The following CDYL variants were observed in gnomAD, a reference collection of about 807,000 sequenced individuals.
CDYL encodes the protein chromodomain Y like.
A neutral mutation model predicts 47.3 loss-of-function variants in CDYL; 8 were observed. The observed-to-expected ratio is 0.17, with a 90% CI of 0.10 to 0.31. The LOEUF (loss-of-function observed/expected upper bound fraction) is 0.31. CDYL is among the 10% of genes least tolerant of loss of function. CDYL has a pLI of 1.00. For missense variants in CDYL, 471 were observed against 701.4 expected, an observed-to-expected ratio of 0.67 and a Z score of 3.71; for synonymous variants, 266 against 265.0, an observed-to-expected ratio of 1.00 and a Z score of -0.04.
intron 3 of CDYL, among the ~76,000 whole-genome samples, chr6:4,747,641 C>G: frequency 6.6e-6 from 1 of 152,190 alleles, no homozygotes; most frequent in East Asian, 1.9e-4. Flanking sequence ...ATTTATTCAT[C>G]TTTGTAATGG....
chr6:4,923,690 A>G (rs1757781706), intron 2 of CDYL, among the ~76,000 whole-genome samples: 1 of 152,152 alleles, frequency 6.6e-6, no homozygotes, highest in Non-Finnish European at 1.5e-5. Flanking sequence ...ACAGTGGATA[A>G]GAAAGAGTTC....
chr6:4,721,606 C>A (rs1757370663), intron 2 of CDYL, among the ~76,000 whole-genome samples: 1 of 152,062 alleles, frequency 6.6e-6, no homozygotes, highest in Non-Finnish European at 1.5e-5. Flanking sequence ...GCTATCCACT[C>A]CTGGCCTCAA....
intron 1 of CDYL, among the ~76,000 whole-genome samples, chr6:4,799,134 A>G (rs1457263084): frequency 1.3e-5 from 2 of 152,212 alleles, no homozygotes; most frequent in Non-Finnish European, 2.9e-5. Flanking sequence ...ATCCAGTTCA[A>G]AATATTTTCT....
chr6:4,853,078 G>A (rs995436055), intron 1 of CDYL, among the ~76,000 whole-genome samples: 9 of 152,036 alleles, frequency 5.9e-5, no homozygotes, highest in Admixed American at 2.0e-4. Context: ...CATGAGTCAC[G>A]GTGCCTAGCT....
chr6:4,837,487 CAG>C (rs1203890033), intron 1 of CDYL, among the ~76,000 whole-genome samples: 11 of 140,240 alleles, frequency 7.8e-5, no homozygotes, highest in African/African-American at 3.0e-4. Flanking sequence ...TTTTTGGAGA[CAG>C]AGTCTTGCTC....
intron 5 of CDYL, among the ~76,000 whole-genome samples, chr6:4,947,661 G>C (rs571631450): frequency 1.3e-5 from 2 of 151,982 alleles, no homozygotes; most frequent in East Asian, 3.9e-4. Flanking sequence ...CTTCACCCTC[G>C]GTCTGTCCAC....
At chr6:4,913,823 C>T (rs921411603) in intron 2 of CDYL, among the ~76,000 whole-genome samples, 5 of 152,236 alleles carry the variant, frequency 3.3e-5, no homozygotes, top group African/African-American at 1.2e-4. Context: ...AACAAATGAA[C>T]GTGGCTTACA....
chr6:4,884,678 C>T (rs1434347263), intron 1 of CDYL, among the ~76,000 whole-genome samples: 2 of 152,146 alleles, frequency 1.3e-5, no homozygotes, highest in Non-Finnish European at 2.9e-5. Context: ...TTGTTTACTG[C>T]GCTGTAGGAT....
chr6:4,888,958 A>G (rs141402091), intron 1 of CDYL, among the ~76,000 whole-genome samples: 139 of 152,318 alleles, frequency 9.1e-4, no homozygotes, highest in African/African-American at 3.2e-3. Flanking sequence ...CATGATTGCA[A>G]TCCTTTTAAA....
At chr6:4,794,357 G>A (rs187686166) in intron 1 of CDYL, among the ~76,000 whole-genome samples, 11 of 152,112 alleles carry the variant, frequency 7.2e-5, no homozygotes, top group Non-Finnish European at 1.3e-4. Flanking sequence ...ATTTGGCAGC[G>A]CGGAGGCCAC....
At chr6:4,826,340 A>G (rs571299681) in intron 1 of CDYL, among the ~76,000 whole-genome samples, 1 of 151,860 alleles carries the variant, frequency 6.6e-6, no homozygotes, top group African/African-American at 2.4e-5. Flanking sequence ...CTTTTCTTCT[A>G]TTCTCTATGT....
At chr6:4,906,419 T>C (rs200387303) in intron 2 of CDYL, among the ~76,000 whole-genome samples, 5 of 152,322 alleles carry the variant, frequency 3.3e-5, no homozygotes, top group East Asian at 3.9e-4. Context: ...AATTGCTGGA[T>C]TGCCAGCTTC....
chr6:4,741,523 A>C (rs1757796925), intron 3 of CDYL, among the ~76,000 whole-genome samples: 1 of 152,168 alleles, frequency 6.6e-6, no homozygotes, highest in Non-Finnish European at 1.5e-5. Flanking sequence ...TCATAGTTCC[A>C]GATGCTTGCT....
At chr6:4,847,186 T>G (rs1308170085) in intron 1 of CDYL, among the ~76,000 whole-genome samples, 1 of 152,214 alleles carries the variant, frequency 6.6e-6, no homozygotes, top group Non-Finnish European at 1.5e-5. Context: ...AAATTTCTGG[T>G]TCCCTCCTAG....
intron 1 of CDYL, among the ~76,000 whole-genome samples, chr6:4,851,841 T>C (rs1447580569): frequency 1.3e-5 from 2 of 152,172 alleles, no homozygotes; most frequent in African/African-American, 4.8e-5. Flanking sequence ...GGTCCAGGAC[T>C]GAGGAGTGCT....
chr6:4,777,935 C>T (rs1382215913), intron 1 of CDYL, among the ~76,000 whole-genome samples: 2 of 152,204 alleles, frequency 1.3e-5, no homozygotes, highest in African/African-American at 4.8e-5. Context: ...GTTGTTGCTT[C>T]TCCTTACATT....
intron 2 of CDYL, among the ~76,000 whole-genome samples, chr6:4,726,531 C>CA (rs58148317): frequency 0.049 from 4,921 of 100,260 alleles, 156 homozygotes; most frequent in African/African-American, 0.097. Context: ...GACTCTGTCT[C>CA]AAAAAAAAAA....
At chr6:4,792,835 C>G (rs754464628) in intron 1 of CDYL, among the ~76,000 whole-genome samples, 11 of 152,174 alleles carry the variant, frequency 7.2e-5, no homozygotes, top group Admixed American at 1.3e-4. Context: ...TATGAACTTT[C>G]ACTTACCTAT....
At chr6:4,852,825 G>C (rs1760892239) in intron 1 of CDYL, among the ~76,000 whole-genome samples, 1 of 142,648 alleles carries the variant, frequency 7.0e-6, no homozygotes, top group Non-Finnish European at 1.5e-5. Flanking sequence ...TTGAGACAAG[G>C]TCTGTCTCTG....
Sources: allele counts gnomAD v4.1 joint callset (sites outside exome capture counted in the v4.1 genomes callset), GRCh38; gene constraint gnomAD v4.1.1; transcripts MANE v1.5; gene names NCBI Gene and HGNC (gene_info 2026-07-23, HGNC 2026-07-21).